NIBAN1: variants seen among roughly 807,000 people sequenced by gnomAD.
The protein encoded by NIBAN1 is protein Niban 1.
In NIBAN1, 81 loss-of-function variants were observed where a neutral mutation model predicts 75.1. The ratio of observed to expected loss-of-function variants is 1.08; its 90% CI spans 0.90 to 1.30. The LOEUF (loss-of-function observed/expected upper bound fraction) is 1.30. NIBAN1 is among the 50% of genes most tolerant of loss of function. The probability of loss-of-function intolerance (pLI) is 0.00; values close to 1 mark genes in which losing one functional copy is unlikely to be tolerated. For synonymous variants in NIBAN1, 436 were observed against 424.8 expected, an observed-to-expected ratio of 1.03 and a Z score of -0.32; for missense variants, 1,133 against 1,128.1, an observed-to-expected ratio of 1.00 and a Z score of -0.06.
At chr1:184,910,582 A>G (rs796824737) in intron 1 of NIBAN1, among the ~76,000 whole-genome samples, 51 of 152,364 alleles carry the variant, frequency 3.3e-4, no homozygotes, top group African/African-American at 1.2e-3. Context: ...ATAAAGGAAT[A>G]TAAGTACTCT....
intron 1 of NIBAN1, among the ~76,000 whole-genome samples, chr1:184,935,721 A>G (rs1657938711): frequency 1.3e-5 from 2 of 152,084 alleles, no homozygotes; most frequent in South Asian, 4.1e-4. Context: ...GGTACCTGGG[A>G]AAAAGAAAGC....
chr1:184,808,734 G>A (rs955377242), intron 9 of NIBAN1, among the ~76,000 whole-genome samples: 1 of 152,120 alleles, frequency 6.6e-6, no homozygotes, highest in African/African-American at 2.4e-5. Context: ...GGGCCCACAG[G>A]GCTTCTCTCT....
At chr1:184,847,001 G>T (rs1166549052) in intron 5 of NIBAN1, among the ~76,000 whole-genome samples, 1 of 87,460 alleles carries the variant, frequency 1.1e-5, no homozygotes, top group Non-Finnish European at 2.3e-5. Context: ...CGTCTGATTA[G>T]TGTACCTGAA....
intron 13 of NIBAN1, among the ~76,000 whole-genome samples, chr1:184,796,465 G>A (rs1405977795): frequency 6.6e-6 from 1 of 152,174 alleles, no homozygotes; most frequent in African/African-American, 2.4e-5. Flanking sequence ...GCTCCAGTTT[G>A]TCCACCTGGA....
At chr1:184,953,838 C>T (rs964123645) in intron 1 of NIBAN1, among the ~76,000 whole-genome samples, 3 of 152,184 alleles carry the variant, frequency 2.0e-5, no homozygotes, top group Non-Finnish European at 2.9e-5. Flanking sequence ...TATCTTATGG[C>T]TTCTCAGAAC....
At chr1:184,833,610 G>C (rs1300986938) in intron 5 of NIBAN1, among the ~76,000 whole-genome samples, 2 of 152,046 alleles carry the variant, frequency 1.3e-5, no homozygotes, top group African/African-American at 4.8e-5. Flanking sequence ...GCTGAGGCAG[G>C]AGGATCACTT....
intron 1 of NIBAN1, among the ~76,000 whole-genome samples, chr1:184,958,999 C>T (rs1658560592): frequency 6.6e-6 from 1 of 152,216 alleles, no homozygotes; most frequent in African/African-American, 2.4e-5. Context: ...TAAACAAACG[C>T]ATTCAATCCA....
intron 5 of NIBAN1, among the ~76,000 whole-genome samples, chr1:184,877,912 T>C (rs1656273418): frequency 6.9e-6 from 1 of 144,532 alleles, no homozygotes; most frequent in Admixed American, 6.9e-5. Flanking sequence ...AACAAAACAA[T>C]TTTTTTTTTT....
chr1:184,832,426 A>G (rs986104819), intron 5 of NIBAN1, among the ~76,000 whole-genome samples: 2 of 152,238 alleles, frequency 1.3e-5, no homozygotes, highest in Non-Finnish European at 2.9e-5. Context: ...CAACATGCCA[A>G]TTTATGCAAA....
rs1470514847 is a variant in NIBAN1, at chr1:184,916,358, AAACTT to A, written c.56-17054_56-17050del. ...TAATGCTAAAAGAAACTTAGGTTGG[AAACTT>A]AACTTCAGCTTACATTTTAAATTTT... On this transcript the variant is annotated intron_variant, in intron 1 of 13. Coordinates refer to ENST00000367511, the MANE Select transcript of NIBAN1 (RefSeq NM_052966.4). 5.3e-5 allele frequency among the ~76,000 whole-genome samples: 8 copies of A among 152,370 alleles called. No individual in the cohort carries two copies. In the East Asian group the frequency reaches 1.3e-3, roughly 26 times the overall value.
At chr1:184,928,072 C>G (rs1036825341) in intron 1 of NIBAN1, among the ~76,000 whole-genome samples, 1 of 152,064 alleles carries the variant, frequency 6.6e-6, no homozygotes, top group African/African-American at 2.4e-5. Context: ...GTGATGAATC[C>G]AGCCAGAACT....
intron 1 of NIBAN1, among the ~76,000 whole-genome samples, chr1:184,970,138 C>G (rs181804306): frequency 7.0e-6 from 1 of 142,504 alleles, no homozygotes; most frequent in East Asian, 2.1e-4. Flanking sequence ...CCACTGCACT[C>G]TAGTCTGGGT....
intron 2 of NIBAN1, among the ~76,000 whole-genome samples, chr1:184,895,618 C>T (rs887245430): frequency 3.9e-5 from 6 of 152,150 alleles, no homozygotes; most frequent in Admixed American, 2.0e-4. Flanking sequence ...ATGGGTATTA[C>T]GTGTAACGGT....
At chr1:184,823,110 G>A (rs999871742) in intron 8 of NIBAN1, 57 bp downstream of exon 8, 12 of 1,565,274 alleles carry the variant, frequency 7.7e-6, no homozygotes, top group Admixed American at 7.0e-5. Flanking sequence ...GCTATGTGGT[G>A]GATCCCTGCA....
intron 5 of NIBAN1, among the ~76,000 whole-genome samples, chr1:184,852,635 A>G (rs937890453): frequency 6.6e-6 from 1 of 152,190 alleles, no homozygotes; most frequent in African/African-American, 2.4e-5. Context: ...CTATGAAACA[A>G]TGTAATTCTA....
chr1:184,917,202 C>CTT lies in NIBAN1; in HGVS notation c.56-17895_56-17894dup, dbSNP rs34437861. Among the ~76,000 whole-genome samples the CTT allele has an allele frequency of 8.4e-3, 1,160 of 137,516 alleles. 12 individuals carry two copies. Among genetic ancestry groups the CTT allele is most frequent in the Middle Eastern group, 0.03 (8 of 270 alleles). 90.2% of individuals were successfully genotyped at this position (137,516 alleles called of 152,430 possible). ...CTTATCCCCATGACTATCTCTTCCA[C>CTT]TTTTTTTTTTTTTTTTCTTTGAGAT... On this transcript the variant is annotated intron_variant, in intron 1 of 13. Coordinates refer to ENST00000367511, the MANE Select transcript of NIBAN1 (RefSeq NM_052966.4).
Position 184,831,976 on chromosome 1 carries a change from GA to G in NIBAN1, c.602-15del. 1.3e-6 allele frequency: 2 copies of G among 1,591,606 alleles called. No individual in the cohort carries two copies. Among genetic ancestry groups the G allele is most frequent in the Non-Finnish European group, 8.6e-7 (1 of 1,159,654 alleles). The stretch of plus-strand genomic sequence containing the variant: ...GCTTCATGTAATCTAAAGAAAAGAA[GA>G]AAGGGCATTCAGCAAGATAAAACAC... On this transcript the variant is annotated splice_polypyrimidine_tract_variant and intron_variant, in intron 5 of 13. Coordinates refer to ENST00000367511, the MANE Select transcript of NIBAN1 (RefSeq NM_052966.4).
At chr1:184,807,615 C>G (rs1490411284) in intron 10 of NIBAN1, among the ~76,000 whole-genome samples, 1 of 152,074 alleles carries the variant, frequency 6.6e-6, no homozygotes, top group Non-Finnish European at 1.5e-5. Flanking sequence ...CAGTAAAAAC[C>G]CCATCTCTAC....
chr1:184,839,438 A>G (rs1655222333), intron 5 of NIBAN1, among the ~76,000 whole-genome samples: 1 of 152,178 alleles, frequency 6.6e-6, no homozygotes, highest in Admixed American at 6.5e-5. Flanking sequence ...CGGGTTTCCC[A>G]AAAGGGAGCA....
Sources: gnomAD v4.1 joint callset for allele counts (sites outside exome capture counted in the v4.1 genomes callset) on GRCh38, gnomAD v4.1.1 for gene constraint, MANE v1.5 for transcripts, NCBI Gene and HGNC (gene_info 2026-07-23, HGNC 2026-07-21) for gene names.